Variants in ZBTB41 observed in about 807,000 individuals in gnomAD.
ZBTB41 encodes zinc finger and BTB domain-containing protein 41.
ZBTB41 carries 42 observed loss-of-function variants against 87.6 expected under a neutral mutation model. The ratio of observed to expected loss-of-function variants is 0.48; its 90% CI spans 0.37 to 0.62. ZBTB41 has a LOEUF of 0.62. ZBTB41 is among the 20% of genes least tolerant of loss of function. The pLI is 0.00. For missense variants in ZBTB41, 799 were observed against 1,078.9 expected, an observed-to-expected ratio of 0.74 and a Z score of 3.63; for synonymous variants, 364 against 364.0, an observed-to-expected ratio of 1.00 and a Z score of 0.00.
At chr1:197,185,461 C>T (rs1349047075) in intron 5 of ZBTB41, among the ~76,000 whole-genome samples, 1 of 152,096 alleles carries the variant, frequency 6.6e-6, no homozygotes, top group African/African-American at 2.4e-5. Context: ...TCCAAATATA[C>T]TAAGTTTATT....
In ZBTB41 at chr1:197,174,451, T is replaced by G. The variant is rs146375235; in HGVS notation, c.1985+559A>C. On this transcript the variant is annotated intron_variant, in intron 9 of 10. Coordinates refer to ENST00000367405, the MANE Select transcript of ZBTB41 (RefSeq NM_194314.3). The stretch of plus-strand genomic sequence containing the variant: ...TTTTGCTAATTATGCTCAGGACTAT[T>G]AAGTGAAGTCTCTTGGCACTTTAGA... Among the ~76,000 whole-genome samples, 1,122 of 152,202 alleles carry G rather than the reference T, an allele frequency of 7.4e-3. 13 individuals carry two copies. Among genetic ancestry groups the G allele is most frequent in the African/African-American group, 0.026 (1,066 of 41,552 alleles).
chr1:197,179,186 T>G (rs1179296792), intron 6 of ZBTB41, among the ~76,000 whole-genome samples: 1 of 152,140 alleles, frequency 6.6e-6, no homozygotes, highest in Non-Finnish European at 1.5e-5. Context: ...AAGGGAAATA[T>G]GACTGACCTC....
At chr1:197,161,839 T>G (rs1411827631) in intron 10 of ZBTB41, among the ~76,000 whole-genome samples, 1 of 152,004 alleles carries the variant, frequency 6.6e-6, no homozygotes, top group Non-Finnish European at 1.5e-5. Flanking sequence ...CAATGAGCAT[T>G]CTATAATTTT....
At chr1:197,161,876 A>G (rs545271755) in intron 10 of ZBTB41, among the ~76,000 whole-genome samples, 1 of 152,176 alleles carries the variant, frequency 6.6e-6, no homozygotes, top group Non-Finnish European at 1.5e-5. Context: ...ACACGACCAC[A>G]GCAATACTAA....
chr1:197,172,439 T>C (rs368714207), intron 9 of ZBTB41, among the ~76,000 whole-genome samples, 191 bp from the exon 10 acceptor site: 1 of 151,986 alleles, frequency 6.6e-6, no homozygotes, highest in East Asian at 1.9e-4. Context: ...TTTAATATGT[T>C]GAGCTTGCCT....
rs913199865 is a variant in ZBTB41, at chr1:197,188,393, A to G, written c.1445T>C (p.Met482Thr). The G allele has an allele frequency of 6.2e-7, 1 of 1,613,454 alleles. No homozygotes were observed. The highest frequency in any genetic ancestry group is 1.1e-5 in the South Asian group (1 of 90,968). The change falls in exon 5 of 11, where the codon ATG (methionine) becomes ACG (threonine). Residue 482 changes from methionine (M) to threonine (T), a missense_variant. By Grantham distance (81) the Met-to-Thr change is moderately conservative (BLOSUM62 -1). Transcript: ENST00000367405. ...AGGTTTATCTTGAGAATGTAGAATC[A>G]TATGTTCCTCCAAGTGTGGTCTTCG... is the stretch of plus-strand genomic sequence containing the variant. Reference protein sequence around the residue: ...FTRRPHLEEHMILHSQDKPFK... With the variant: ...FTRRPHLEEHTILHSQDKPFK...
intron 5 of ZBTB41, among the ~76,000 whole-genome samples, chr1:197,186,925 C>T (rs10737688): frequency 0.44 from 66,995 of 151,880 alleles, 16,477 homozygotes; most frequent in East Asian, 0.82. Flanking sequence ...GAACAGACAC[C>T]ACACCAAAGA....
At chr1:197,177,942 GA>G (rs1323772644) in intron 7 of ZBTB41, among the ~76,000 whole-genome samples, 6 of 151,844 alleles carry the variant, frequency 4.0e-5, no homozygotes, top group Admixed American at 6.6e-5. Flanking sequence ...TATTTATTTA[GA>G]AAAAAACTTT....
chr1:197,167,877 A>T (rs1659387670), intron 10 of ZBTB41, among the ~76,000 whole-genome samples: 1 of 152,212 alleles, frequency 6.6e-6, no homozygotes, highest in South Asian at 2.1e-4. Flanking sequence ...ATGTGACCAA[A>T]GCAATAATGT....
At chr1:197,190,687 C>T in intron 4 of ZBTB41, 75 bp downstream of exon 4, 1 of 844,430 alleles carries the variant, frequency 1.2e-6, no homozygotes. Context: ...TACTTTAAAA[C>T]CTAATTACTT....
At chr1:197,187,479 C>T (rs2125136201) in intron 5 of ZBTB41, among the ~76,000 whole-genome samples, 1 of 152,258 alleles carries the variant, frequency 6.6e-6, no homozygotes, top group African/African-American at 2.4e-5. Context: ...CACATCATCC[C>T]ATATACTTTA....
At chr1:197,161,182 C>T (rs1370033013) in intron 10 of ZBTB41, among the ~76,000 whole-genome samples, 5 of 151,992 alleles carry the variant, frequency 3.3e-5, no homozygotes, top group African/African-American at 7.2e-5. Context: ...AAGAACTATA[C>T]GGTAATAAAT....
intron 7 of ZBTB41, 53 bp downstream of exon 7, chr1:197,178,364 A>G (rs914722143): frequency 4.1e-6 from 5 of 1,223,194 alleles, no homozygotes; most frequent in Admixed American, 2.2e-5. Context: ...TAGAACTAAA[A>G]TAGAGATATA....
chr1:197,180,995 G>A lies in ZBTB41; in HGVS notation c.1669C>T (p.Arg557Ter). 2.5e-6 allele frequency: 4 copies of A among 1,589,530 alleles called. No homozygotes were observed. Among genetic ancestry groups the A allele is most frequent in the Non-Finnish European group, 3.4e-6 (4 of 1,173,900 alleles). The change falls in exon 6 of 11, where the codon CGA becomes TGA. Residue 557 changes from arginine to a stop codon, truncating the protein, a stop_gained. Coordinates refer to ENST00000367405, the MANE Select transcript of ZBTB41 (RefSeq NM_194314.3). LOFTEE classifies it high-confidence loss of function. ...WTCFICGKSV[R>*]ERTTLKEHLR... ...GTGCAGATAATTCTTCACCTTTCTC[G>A]TACTGATTTTCCACAGATAAAGCAA... is the stretch of plus-strand genomic sequence containing the variant.
At position 197,170,863 on chromosome 1, in the gene ZBTB41, T is replaced by A. The variant is rs1443492365; in HGVS notation, c.2074+1297A>T. On this transcript the variant is annotated intron_variant, in intron 10 of 10. Coordinates refer to ENST00000367405, the MANE Select transcript of ZBTB41 (RefSeq NM_194314.3). ...GCCCTCAACAAGTATTTGCTGACTT[T>A]TGCCTTCTATTATTTTTCCCTCTCA... is the stretch of plus-strand genomic sequence containing the variant. 2.6e-5 allele frequency among the ~76,000 whole-genome samples: 4 copies of A among 152,296 alleles called. No individual in the cohort carries two copies. In the South Asian group the frequency reaches 8.3e-4, roughly 32 times the overall value.
intron 5 of ZBTB41, among the ~76,000 whole-genome samples, chr1:197,187,047 G>A (rs987800411): frequency 6.6e-6 from 1 of 152,084 alleles, no homozygotes; most frequent in South Asian, 2.1e-4. Flanking sequence ...CCAAAATTTG[G>A]AACACAGAAA....
chr1:197,177,518 G>T (rs1216488021), intron 7 of ZBTB41, among the ~76,000 whole-genome samples: 1 of 152,068 alleles, frequency 6.6e-6, no homozygotes, highest in East Asian at 1.9e-4. Context: ...CTGGATAATT[G>T]TTATCAACTA....
Position 197,160,252 on chromosome 1 carries a change from A to T in ZBTB41, c.2075-238T>A, listed in dbSNP as rs185573736. The stretch of plus-strand genomic sequence containing the variant: ...ACACTTACTAGCCAAACATTGAGCA[A>T]GCTACCCAACTTCTATGCCTAATTT... On this transcript the variant is annotated intron_variant, in intron 10 of 10. Coordinates refer to ENST00000367405, the MANE Select transcript of ZBTB41 (RefSeq NM_194314.3). Among the ~76,000 whole-genome samples, 388 of 152,286 alleles carry T rather than the reference A, an allele frequency of 2.5e-3. 12 individuals carry two copies. The highest frequency in any genetic ancestry group is 4.0e-4 in the Non-Finnish European group (27 of 68,018).
rs1489868755 is a variant in ZBTB41, at chr1:197,188,386, T to C, written c.1452A>G (p.Leu484=). 2 of 1,613,532 alleles carry C rather than the reference T, an allele frequency of 1.2e-6. No homozygotes were observed. Among genetic ancestry groups the C allele is most frequent in the African/African-American group, 2.7e-5 (2 of 74,916 alleles). The stretch of plus-strand genomic sequence containing the variant: ...ACTTAAAAGGTTTATCTTGAGAATG[T>C]AGAATCATATGTTCCTCCAAGTGTG... ...RRPHLEEHMI[L]HSQDKPFKCT... is the part of the protein sequence containing the mutation. Residue 484 remains leucine, a synonymous_variant, in exon 5 of 11, where the codon CTA becomes CTG. Coordinates refer to ENST00000367405, the MANE Select transcript of ZBTB41 (RefSeq NM_194314.3).
Sources: gnomAD v4.1 joint callset for allele counts (sites outside exome capture counted in the v4.1 genomes callset) on GRCh38, gnomAD v4.1.1 for gene constraint, MANE v1.5 for transcripts, NCBI Gene and HGNC (gene_info 2026-07-23, HGNC 2026-07-21) for gene names.